Variants in MYOM2 observed in about 807,000 individuals in gnomAD.
The protein encoded by MYOM2 is myomesin-2.
In MYOM2, 254 loss-of-function variants were observed where a neutral mutation model predicts 187.6. That is an observed-to-expected ratio of 1.35 (90% confidence interval 1.22 to 1.50). The LOEUF is 1.50. Among genes scored for constraint, MYOM2 ranks in the 40% most tolerant of loss-of-function variants. The pLI is 0.00. For missense variants in MYOM2, 2,796 were observed against 1,924.0 expected (o/e 1.45, Z -8.48); for synonymous variants, 981 against 753.8 (o/e 1.30, Z -4.94).
intron 20 of MYOM2, among the ~76,000 whole-genome samples, chr8:2,101,672 GTTAA>G (rs1477620709): frequency 6.6e-6 from 1 of 152,228 alleles, no homozygotes; most frequent in African/African-American, 2.4e-5. Flanking sequence ...TCTAATAGCT[GTTAA>G]TTGTCTGTTC....
intron 14 of MYOM2, among the ~76,000 whole-genome samples, chr8:2,087,873 G>C (rs1344455815): frequency 6.6e-6 from 1 of 152,116 alleles, no homozygotes; most frequent in Non-Finnish European, 1.5e-5. Flanking sequence ...TCCTGCCTCA[G>C]CCTCCCAAAG....
intron 12 of MYOM2, 73 bp downstream of exon 12, chr8:2,079,006 T>C (rs1453662211): frequency 6.9e-7 from 1 of 1,455,482 alleles, no homozygotes; most frequent in African/African-American, 1.4e-5. Flanking sequence ...TTGTTGTCTC[T>C]TTCCCTCCCA....
At chr8:2,083,257 C>T (rs1004060486) in intron 13 of MYOM2, among the ~76,000 whole-genome samples, 2 of 152,194 alleles carry the variant, frequency 1.3e-5, no homozygotes, top group Non-Finnish European at 2.9e-5. Flanking sequence ...GCATCAGTGC[C>T]CTGGGGGTAG....
chr8:2,099,887 T>C (rs975195688), intron 19 of MYOM2, among the ~76,000 whole-genome samples: 3 of 152,264 alleles, frequency 2.0e-5, no homozygotes, highest in Admixed American at 2.0e-4. Context: ...TCCAATGTTA[T>C]GGCCAGAGTA....
At chr8:2,090,973 GGGT>G (rs1455848572) in intron 15 of MYOM2, among the ~76,000 whole-genome samples, 26 of 143,474 alleles carry the variant, frequency 1.8e-4, no homozygotes, top group African/African-American at 6.8e-4. Flanking sequence ...ATATTCCTCT[GGGT>G]ATATATGCAG....
At chr8:2,082,565 C>T (rs1194114434) in intron 13 of MYOM2, among the ~76,000 whole-genome samples, 2 of 152,238 alleles carry the variant, frequency 1.3e-5, no homozygotes, top group East Asian at 3.8e-4. Context: ...TCTTCCTTCA[C>T]ACATTTGAAT....
At chr8:2,110,813 C>T (rs970631094) in intron 25 of MYOM2, among the ~76,000 whole-genome samples, 2 of 151,066 alleles carry the variant, frequency 1.3e-5, no homozygotes, top group African/African-American at 2.4e-5. Context: ...TAGCAGGACT[C>T]AGTTAGATGA....
intron 23 of MYOM2, 68 bp downstream of exon 23, chr8:2,106,665 T>C: frequency 8.7e-7 from 1 of 1,148,992 alleles, no homozygotes; most frequent in Non-Finnish European, 1.2e-6. Flanking sequence ...GACACCAACA[T>C]AGAAAAGACT....
In MYOM2 at chr8:2,094,029, A is replaced by T. The variant is rs374452357; in HGVS notation, c.2063A>T (p.Asn688Ile). The T allele has an allele frequency of 6.2e-6, 10 of 1,614,050 alleles. No homozygotes were observed. The highest frequency in any genetic ancestry group is 2.2e-5 in the East Asian group (1 of 44,890). The change falls in exon 17 of 37, where the codon AAT becomes ATT. Residue 688 changes from asparagine to isoleucine, a missense_variant. Coordinates refer to ENST00000262113, the MANE Select transcript of MYOM2 (RefSeq NM_003970.4). ...TACATCTTCCGAGTCAAGGCGGTCA[A>T]TGCTGTGGGGATGAGTGAAAATTCC... The part of the protein sequence containing the change: ...EQYIFRVKAV[N>I]AVGMSENSQE...
chr8:2,057,899 C>G (rs12680729), intron 5 of MYOM2, 119 bp downstream of exon 5: 11 of 1,010,206 alleles, frequency 1.1e-5, no homozygotes, highest in East Asian at 2.7e-5. Context: ...CCTTGAAACT[C>G]TAAGCAGAAA....
At chr8:2,091,927 C>A (rs4875915) in intron 15 of MYOM2, among the ~76,000 whole-genome samples, 4 of 152,242 alleles carry the variant, frequency 2.6e-5, no homozygotes, top group Non-Finnish European at 4.4e-5. Flanking sequence ...AGGTCATGAT[C>A]GAATTTTGAG....
intron 21 of MYOM2, among the ~76,000 whole-genome samples, chr8:2,103,742 T>A (rs188222673): frequency 3.5e-4 from 53 of 150,016 alleles, no homozygotes; most frequent in African/African-American, 1.3e-3. Flanking sequence ...TGGATGGGTG[T>A]ATGGATAAAT....
chr8:2,072,086 C>T (rs941110853), intron 8 of MYOM2, among the ~76,000 whole-genome samples: 56 of 152,186 alleles, frequency 3.7e-4, no homozygotes, highest in African/African-American at 7.2e-5. Flanking sequence ...GTGACAAAGA[C>T]GTGCTTTTGC....
rs758390682 is a variant in MYOM2 at position 2,096,212 on chromosome 8, G to A, written c.2126-35G>A. The A allele has an allele frequency of 2.5e-6, 4 of 1,593,152 alleles. No individual in the cohort carries two copies. In the Admixed American group the frequency reaches 5.1e-5, roughly 20 times the overall value. On this transcript the variant is annotated intron_variant, in intron 17 of 36. Coordinates refer to ENST00000262113, the MANE Select transcript of MYOM2 (RefSeq NM_003970.4). ...CCCGGGGACAAAGCCCCCAGCTGAG[G>A]CCCTCGGTAACTCCCTGGTTGTGCT...
intron 31 of MYOM2, among the ~76,000 whole-genome samples, chr8:2,126,317 A>G (rs1366493018): frequency 1.3e-5 from 2 of 152,118 alleles, no homozygotes; most frequent in African/African-American, 4.8e-5. Flanking sequence ...TCTCCCTGAC[A>G]TATCAGAATG....
At chr8:2,082,444 C>T (rs1201224582) in intron 13 of MYOM2, among the ~76,000 whole-genome samples, 1 of 151,938 alleles carries the variant, frequency 6.6e-6, no homozygotes, top group Admixed American at 6.6e-5. Context: ...TTGGTAAATG[C>T]CCCTTGTTTT....
At chr8:2,059,269 G>C in intron 6 of MYOM2, 24 bp downstream of exon 6, 1 of 1,606,168 alleles carries the variant, frequency 6.2e-7, no homozygotes, top group Admixed American at 1.7e-5. Flanking sequence ...GGGGGCTCTG[G>C]ACGCTGGCGT....
chr8:2,101,094 C>G (rs928877150), intron 20 of MYOM2, 40 bp downstream of exon 20: 2 of 1,604,332 alleles, frequency 1.2e-6, no homozygotes, highest in African/African-American at 2.7e-5. Context: ...GCCTGTAATC[C>G]CAGCACTTTG....
In MYOM2 at chr8:2,120,667, TATATATATTATATTATATATAA is replaced by T. The variant is rs1185494625; in HGVS notation, c.3454-2577_3454-2556del. Among the ~76,000 whole-genome samples, 6 of 894 alleles carry T rather than the reference TATATATATTATATTATATATAA, an allele frequency of 6.7e-3. 1 individual carries two copies. The highest frequency in any genetic ancestry group is 0.016 in the Admixed American group (1 of 64). 0.6% of individuals were successfully genotyped at this position (894 alleles called of 152,430 possible). A position where few individuals can be genotyped will look rare whatever the true frequency, so the allele number is the denominator to read the frequency against. Reference sequence around the variant, plus strand: ...TGCAATTTGATTTCCTGTATATATATATATATATTATATTATATATAAATATATAATATATATATTTTAATTG... The same window carrying T: ...TGCAATTTGATTTCCTGTATATATATATATATAATATATATATTTTAATTG... On this transcript the variant is annotated intron_variant, in intron 28 of 36. Transcript: ENST00000262113.
Sources: gnomAD v4.1 joint callset for allele counts (sites outside exome capture counted in the v4.1 genomes callset) on GRCh38, gnomAD v4.1.1 for gene constraint, MANE v1.5 for transcripts, NCBI Gene and HGNC (gene_info 2026-07-23, HGNC 2026-07-21) for gene names.